The following ERICH1 variants were observed in gnomAD, a reference collection of about 807,000 sequenced individuals.
The protein encoded by ERICH1 is glutamate rich 1, also known as glutamate-rich protein 1.
ERICH1 carries 56 observed loss-of-function variants against 39.6 expected under a neutral mutation model. The observed-to-expected ratio is 1.41, with a 90% confidence interval of 1.14 to 1.77. ERICH1 has a LOEUF of 1.77. ERICH1 is among the 40% of genes most tolerant of loss of function. ERICH1 has a pLI of 0.00. For synonymous variants in ERICH1, 313 were observed against 223.6 expected, an observed-to-expected ratio of 1.40 and a Z score of -3.57; for missense variants, 826 against 575.4, an observed-to-expected ratio of 1.44 and a Z score of -4.45.
At chr8:700,803 G>C (rs891006006) in intron 2 of ERICH1, among the ~76,000 whole-genome samples, 1 of 152,218 alleles carries the variant, frequency 6.6e-6, no homozygotes, top group African/African-American at 2.4e-5. Flanking sequence ...TCAGAGTCTT[G>C]GGAAAATATT....
At chr8:658,700 AGAG>A in intron 3 of ERICH1, among the ~76,000 whole-genome samples, 1 of 152,162 alleles carries the variant, frequency 6.6e-6, no homozygotes, top group Non-Finnish European at 1.5e-5. Flanking sequence ...ACAAGACCCT[AGAG>A]ATGCCCCTGG....
intron 3 of ERICH1, among the ~76,000 whole-genome samples, chr8:683,593 C>T (rs1212778243): frequency 1.3e-5 from 2 of 152,210 alleles, no homozygotes; most frequent in African/African-American, 2.4e-5. Context: ...GGAAATGTGG[C>T]CTCCTCCCCC....
At chr8:633,046 C>T (rs756796514) in intron 3 of ERICH1, among the ~76,000 whole-genome samples, 3 of 152,296 alleles carry the variant, frequency 2.0e-5, no homozygotes, top group South Asian at 2.1e-4. Context: ...GCCTGAGAAA[C>T]GCACAACCAG....
chr8:632,251 A>T lies in ERICH1; in HGVS notation c.977-16967T>A, dbSNP rs117601400. On this transcript the variant is annotated intron_variant, in intron 3 of 3. Coordinates refer to the ERICH1 transcript ENST00000522706. ...TGTGTGTCGTGTTTATCTTGATAACATCTGCTTTTGAGATAGTTTTTCTCA... is the reference window on the plus strand; with the variant it reads ...TGTGTGTCGTGTTTATCTTGATAACTTCTGCTTTTGAGATAGTTTTTCTCA... 1.0e-3 allele frequency among the ~76,000 whole-genome samples: 152 copies of T among 152,250 alleles called. 3 individuals carry two copies. The East Asian group carries it at 0.027, about 27-fold the overall frequency.
chr8:685,473 G>C (rs1034796634), intron 3 of ERICH1, among the ~76,000 whole-genome samples: 4 of 152,216 alleles, frequency 2.6e-5, no homozygotes, highest in Non-Finnish European at 5.9e-5. Flanking sequence ...AGTTTAAGAA[G>C]ATGATGGGAT....
intron 3 of ERICH1, chr8:625,977 G>A (rs1235448760): frequency 2.0e-5 from 3 of 152,158 alleles, no homozygotes; most frequent in African/African-American, 4.8e-5. Context: ...GCCTAGCAAA[G>A]GATATTATTT....
At chr8:678,809 A>G (rs753279242) in intron 3 of ERICH1, among the ~76,000 whole-genome samples, 6 of 152,154 alleles carry the variant, frequency 3.9e-5, no homozygotes, top group Non-Finnish European at 8.8e-5. Flanking sequence ...CTCCATCTCA[A>G]AAGAAAAGAA....
In ERICH1 at chr8:689,890, C is replaced by T. The variant is rs9644400; in HGVS notation, c.304+2588G>A. On this transcript the variant is annotated intron_variant, in intron 3 of 5. Transcript: ENST00000262109. ...AAATTCATGTAGGGCAGTGTTCCTA[C>T]GACGCGCCAGGACCGTGAGCAGAAG... Among the ~76,000 whole-genome samples the T allele has an allele frequency of 9.6e-4, 146 of 152,302 alleles. 2 individuals carry two copies. In the East Asian group the frequency reaches 0.021, roughly 22 times the overall value.
chr8:618,152 C>G (rs895028663), intron 3 of ERICH1, among the ~76,000 whole-genome samples: 7 of 150,188 alleles, frequency 4.7e-5, no homozygotes, highest in African/African-American at 1.7e-4. Context: ...TCACTGCCCT[C>G]TGAGTGCTCA....
chr8:713,850 C>T (rs944816159), intron 2 of ERICH1, among the ~76,000 whole-genome samples: 7 of 152,164 alleles, frequency 4.6e-5, no homozygotes, highest in African/African-American at 1.7e-4. Context: ...TATACAAACA[C>T]GAACGAGACC....
At chr8:721,373 G>C (rs148582127) in intron 1 of ERICH1, among the ~76,000 whole-genome samples, 5 of 152,016 alleles carry the variant, frequency 3.3e-5, no homozygotes, top group African/African-American at 1.2e-4. Flanking sequence ...ATTCACAGAC[G>C]AGCTTCACTT....
chr8:642,530 G>A (rs1269249493), intron 3 of ERICH1, among the ~76,000 whole-genome samples: 1 of 151,890 alleles, frequency 6.6e-6, no homozygotes, highest in Non-Finnish European at 1.5e-5. Flanking sequence ...ATTTTTAGTA[G>A]AGACGGGGTT....
chr8:673,397 C>A lies in ERICH1; in HGVS notation c.955G>T (p.Glu319Ter), dbSNP rs771495837. Reference sequence around the variant, plus strand: ...TCGCTGGCGTCTGCACCGTCCTCCTCCCCGGAGTCTGCACCCTCTTCCTCC... The same window carrying A: ...TCGCTGGCGTCTGCACCGTCCTCCTACCCGGAGTCTGCACCCTCTTCCTCC... Reference protein sequence around the residue: ...AGEEEGADSGEEDGADASEED... With the variant: ...AGEEEGADSG Residue 319 changes from glutamate (E) to a stop codon, truncating the protein, a stop_gained, in exon 4 of 6, where the codon GAG (glutamate) becomes TAG (stop). Coordinates refer to ENST00000262109, the MANE Select transcript of ERICH1 (RefSeq NM_207332.3). LOFTEE classifies it high-confidence loss of function. The A allele has an allele frequency of 1.9e-6, 3 of 1,613,944 alleles. No homozygotes were observed. Among genetic ancestry groups the A allele is most frequent in the African/African-American group, 1.3e-5 (1 of 74,898 alleles).
At chr8:715,365 G>C (rs1298005083) in intron 2 of ERICH1, among the ~76,000 whole-genome samples, 1 of 152,200 alleles carries the variant, frequency 6.6e-6, no homozygotes, top group Admixed American at 6.5e-5. Flanking sequence ...AGGGACCAGA[G>C]CTGATGGGAC....
chr8:707,470 G>A (rs1372454468), intron 2 of ERICH1, among the ~76,000 whole-genome samples: 1 of 152,138 alleles, frequency 6.6e-6, no homozygotes, highest in Non-Finnish European at 1.5e-5. Flanking sequence ...AGCCTCCAAA[G>A]TGCTGGGACT....
At chr8:656,704 G>C (rs566520208) in intron 3 of ERICH1, 1 of 970,262 alleles carries the variant, frequency 1.0e-6, no homozygotes, top group African/African-American at 1.8e-5. Flanking sequence ...CATTCACGCT[G>C]TGTCTTTCCT....
Position 673,996 on chromosome 8 carries a change from G to A in ERICH1, c.356C>T (p.Ser119Leu). Reference sequence around the variant, plus strand: ...ATTGGGATTTTTAAATTTTTTCTTTGATTTATGCTTCCTAATTCTTCTTCT... The same window carrying A: ...ATTGGGATTTTTAAATTTTTTCTTTAATTTATGCTTCCTAATTCTTCTTCT... ...PKRRRIRKHK[S>L]KKKFKNPNNV... The change falls in exon 4 of 6, where the codon TCA (serine) becomes TTA (leucine). Residue 119 changes from serine (S) to leucine (L), a missense_variant. Coordinates refer to ENST00000262109, the MANE Select transcript of ERICH1 (RefSeq NM_207332.3). 6.3e-7 allele frequency: 1 copy of A among 1,582,344 alleles called. No homozygotes were observed. Among genetic ancestry groups the A allele is most frequent in the South Asian group, 1.2e-5 (1 of 85,096 alleles).
At chr8:681,562 G>A (rs1806118504) in intron 3 of ERICH1, among the ~76,000 whole-genome samples, 1 of 152,238 alleles carries the variant, frequency 6.6e-6, no homozygotes, top group South Asian at 2.1e-4. Context: ...TTGCAAAGCA[G>A]TGCCCTCCAC....
intron 1 of ERICH1, among the ~76,000 whole-genome samples, chr8:718,454 T>G (rs1816541410): frequency 6.6e-6 from 1 of 152,188 alleles, no homozygotes; most frequent in Admixed American, 6.5e-5. Context: ...TAATTAACAG[T>G]GGTTTTCCAC....
Sources: allele counts gnomAD v4.1 joint callset (sites outside exome capture counted in the v4.1 genomes callset), GRCh38; gene constraint gnomAD v4.1.1; transcripts MANE v1.5; gene names NCBI Gene and HGNC (gene_info 2026-07-23, HGNC 2026-07-21).